The following DTHD1 variants were observed in gnomAD, a reference collection of about 807,000 sequenced individuals.
The protein encoded by DTHD1 is death domain containing 1, also known as death domain-containing protein 1.
A neutral mutation model predicts 74.8 loss-of-function variants in DTHD1; 59 were observed. The observed-to-expected ratio is 0.79, with a 90% CI of 0.64 to 0.98. The LOEUF (loss-of-function observed/expected upper bound fraction) is 0.98. Ranked by LOEUF, DTHD1 falls within the 50% of genes least tolerant of loss-of-function variation. The probability of loss-of-function intolerance (pLI) is 0.00; values close to 1 mark genes in which losing one functional copy is unlikely to be tolerated. For missense variants in DTHD1, 1,051 were observed against 1,065.4 expected, an observed-to-expected ratio of 0.99 and a Z score of 0.19; for synonymous variants, 365 against 371.1, an observed-to-expected ratio of 0.98 and a Z score of 0.19.
chr4:36,307,444 C>G (rs1253004387), intron 6 of DTHD1, among the ~76,000 whole-genome samples: 2 of 152,174 alleles, frequency 1.3e-5, no homozygotes, highest in Non-Finnish European at 2.9e-5. Flanking sequence ...TGACATCAGT[C>G]ATACTGGATT....
chr4:36,337,890 T>C (rs1225700922), intron 8 of DTHD1, among the ~76,000 whole-genome samples: 1 of 152,212 alleles, frequency 6.6e-6, no homozygotes, highest in South Asian at 2.1e-4. Context: ...TAATTATAGA[T>C]TCACAAGAAG....
rs199975273 is a variant in DTHD1, at chr4:36,294,865, C to A, written c.1469C>A (p.Ser490Tyr). The change falls in exon 5 of 10, where the codon TCC becomes TAC. Residue 490 changes from serine to tyrosine, a missense_variant. Physicochemically the swap from Ser to Tyr is moderately radical, Grantham distance 144 (BLOSUM62 -2). Coordinates refer to ENST00000639862, the MANE Select transcript of DTHD1 (RefSeq NM_001170700.3). ...CAAGATACTTTCTACTCAGTCCAAT[C>A]CACAAGCCCTCTGATTCACATTCAG... ...AQQDTFYSVQ[S>Y]TSPLIHIQHP... 5.8e-5 allele frequency: 90 copies of A among 1,551,694 alleles called. No individual in the cohort carries two copies. Among genetic ancestry groups the A allele is most frequent in the Non-Finnish European group, 7.0e-5 (80 of 1,146,736 alleles).
chr4:36,319,394 T>C (rs1217896656), intron 8 of DTHD1, among the ~76,000 whole-genome samples: 1 of 152,256 alleles, frequency 6.6e-6, no homozygotes, highest in African/African-American at 2.4e-5. Context: ...GTTTAGAGCC[T>C]GATTCTACAA....
chr4:36,346,258 A>G lies in DTHD1; in HGVS notation c.*2434A>G, dbSNP rs1158747325. On this transcript the variant is annotated 3_prime_UTR_variant, in exon 10 of 10. Transcript: ENST00000639862. ...ACAGACACATGCACACACACACACG[A>G]CATCTCACTTTACCGTTACCACTTC... is the stretch of plus-strand genomic sequence containing the variant. Among the ~76,000 whole-genome samples the G allele has an allele frequency of 6.6e-6, 1 of 151,432 alleles. No individual in the cohort carries two copies. The highest frequency in any genetic ancestry group is 1.5e-5 in the Non-Finnish European group (1 of 67,748).
intron 8 of DTHD1, among the ~76,000 whole-genome samples, chr4:36,335,646 G>A (rs1022502459): frequency 6.6e-6 from 1 of 152,162 alleles, no homozygotes; most frequent in African/African-American, 2.4e-5. Context: ...TGAGTAAAGG[G>A]AAGCCTGATA....
chr4:36,306,081 A>C, intron 5 of DTHD1, 110 bp from the exon 6 acceptor site: 1 of 1,044,050 alleles, frequency 9.6e-7, no homozygotes. Context: ...GGCACATAGT[A>C]TGTACTTAAT....
chr4:36,315,076 C>T (rs1369820512), intron 7 of DTHD1, among the ~76,000 whole-genome samples: 1 of 152,120 alleles, frequency 6.6e-6, no homozygotes. Context: ...TCTATACATC[C>T]AAGACATATC....
chr4:36,336,492 GA>G (rs1443433188), intron 8 of DTHD1, among the ~76,000 whole-genome samples: 1 of 152,162 alleles, frequency 6.6e-6, no homozygotes, highest in African/African-American at 2.4e-5. Flanking sequence ...AAAAGGTGTG[GA>G]AAGCACGCAG....
rs763764935 is a variant in DTHD1 at position 36,290,619 on chromosome 4, TATC to T, written c.1137_1139del (p.Ile379del). ...CACGTTACAGAGGAAATTACAGAGA[TATC>T]ATGGTGAAAGTGTGTGACATAAACC... On this transcript the variant is annotated inframe_deletion, in exon 3 of 10. Transcript: ENST00000639862. The T allele has an allele frequency of 3.3e-4, 519 of 1,550,140 alleles. No homozygotes were observed. The highest frequency in any genetic ancestry group is 4.3e-4 in the Non-Finnish European group (496 of 1,147,008).
intron 6 of DTHD1, among the ~76,000 whole-genome samples, chr4:36,307,383 C>G (rs1027418876): frequency 8.5e-5 from 13 of 152,172 alleles, no homozygotes; most frequent in Admixed American, 6.5e-4. Flanking sequence ...TTCATGGTCT[C>G]AGGGTGTTTT....
Position 36,284,441 on chromosome 4 carries a change from CA to C in DTHD1, c.738del (p.Glu247ArgfsTer15). On this transcript the variant is annotated frameshift_variant, in exon 2 of 10. Transcript: ENST00000639862. LOFTEE classifies it high-confidence loss of function. Reference protein sequence around the residue: ...REETHGIIQTTETEIQETSES... With the variant: ...REETHGIIQTXETEIQETSES... ...GAGACTCATGGCATAATTCAGACAA[CA>C]GAGACAGAAATTCAAGAGACTTCAG... 6.5e-7 allele frequency: 1 copy of C among 1,537,050 alleles called. No homozygotes were observed. The highest frequency in any genetic ancestry group is 2.4e-5 in the East Asian group (1 of 40,894).
At position 36,344,795 on chromosome 4, in the gene DTHD1, G is replaced by T. The variant is rs952123711; in HGVS notation, c.*971G>T. The T allele has an allele frequency of 1.3e-5, 2 of 152,124 alleles. No individual in the cohort carries two copies. Among genetic ancestry groups the T allele is most frequent in the East Asian group, 3.8e-4 (2 of 5,200 alleles). 9.4% of individuals were successfully genotyped at this position (152,124 alleles called of 1,614,324 possible). Reference sequence around the variant, plus strand: ...AGAAGGGGCTTGTTCAGATAGTTGGGAGACTTAGAATTTTATTTTTGGTTG... The same window carrying T: ...AGAAGGGGCTTGTTCAGATAGTTGGTAGACTTAGAATTTTATTTTTGGTTG... On this transcript the variant is annotated 3_prime_UTR_variant, in exon 10 of 10. Transcript: ENST00000639862.
chr4:36,324,208 C>T (rs200156395), intron 8 of DTHD1, among the ~76,000 whole-genome samples: 2 of 151,624 alleles, frequency 1.3e-5, no homozygotes, highest in East Asian at 3.9e-4. Context: ...CTCCCCTTAT[C>T]TCTTCCTCTG....
chr4:36,294,235 C>T (rs879475998), intron 4 of DTHD1, among the ~76,000 whole-genome samples: 6 of 151,912 alleles, frequency 3.9e-5, no homozygotes, highest in Non-Finnish European at 7.4e-5. Context: ...ATTCCCTGTT[C>T]GTCTACCCTC....
chr4:36,285,359 T>C (rs1755639679), intron 2 of DTHD1, among the ~76,000 whole-genome samples: 1 of 152,202 alleles, frequency 6.6e-6, no homozygotes, highest in East Asian at 1.9e-4. Context: ...AAAATCATTA[T>C]GAGTTTTAAA....
chr4:36,297,894 T>C (rs1402153110), intron 5 of DTHD1, among the ~76,000 whole-genome samples: 2 of 151,758 alleles, frequency 1.3e-5, no homozygotes, highest in Non-Finnish European at 2.9e-5. Context: ...ATTTCTTTTT[T>C]AGCTTTTGAG....
At chr4:36,298,982 A>G (rs753396645) in intron 5 of DTHD1, among the ~76,000 whole-genome samples, 44 of 152,302 alleles carry the variant, frequency 2.9e-4, no homozygotes, top group Admixed American at 7.2e-4. Context: ...ATGGACAACT[A>G]GTAAAGCTAA....
At chr4:36,298,908 T>C (rs1198954706) in intron 5 of DTHD1, among the ~76,000 whole-genome samples, 3 of 152,180 alleles carry the variant, frequency 2.0e-5, no homozygotes, top group South Asian at 2.1e-4. Flanking sequence ...GTTGTTCAAA[T>C]GTAATATGTG....
Position 36,343,838 on chromosome 4 carries a change from C to T in DTHD1, c.*14C>T, listed in dbSNP as rs944353282. On this transcript the variant is annotated 3_prime_UTR_variant, in exon 10 of 10. Transcript: ENST00000639862. ...GCCCCTGAGTAAAAGCCTGATCTCT[C>T]TTCCTTTACCCCTAGGAAAAGGCAC... is the stretch of plus-strand genomic sequence containing the variant. The T allele has an allele frequency of 5.2e-6, 8 of 1,530,254 alleles. No individual in the cohort carries two copies. In the African/African-American group the frequency reaches 8.3e-5, roughly 16 times the overall value. The allele number at this position is 1,530,254 out of a possible 1,614,324, so 94.8% of individuals were successfully genotyped here.
Sources: allele counts gnomAD v4.1 joint callset (sites outside exome capture counted in the v4.1 genomes callset), GRCh38; gene constraint gnomAD v4.1.1; transcripts MANE v1.5; gene names NCBI Gene and HGNC (gene_info 2026-07-23, HGNC 2026-07-21).